GRK4: variants seen among roughly 807,000 people sequenced by gnomAD.
GRK4 encodes the protein G protein-coupled receptor kinase 2-like.
GRK4 carries 73 observed loss-of-function variants against 77.9 expected under a neutral mutation model. The ratio of observed to expected loss-of-function variants is 0.94; its 90% CI spans 0.78 to 1.14. The LOEUF is 1.14. Ranked by LOEUF, GRK4 falls within the 50% of genes most tolerant of loss-of-function variation. The pLI is 0.00. For synonymous variants in GRK4, 257 were observed against 254.4 expected, an observed-to-expected ratio of 1.01 and a Z score of -0.10; for missense variants, 729 against 700.2, an observed-to-expected ratio of 1.04 and a Z score of -0.46.
At chr4:2,965,119 G>A (rs1048929976) in intron 1 of GRK4, 1 of 607,818 alleles carries the variant, frequency 1.6e-6, no homozygotes. Flanking sequence ...GCTTCTGTAA[G>A]TTTGCTTATA....
intron 13 of GRK4, among the ~76,000 whole-genome samples, 188 bp from the exon 14 acceptor site, chr4:3,037,186 C>A (rs867852927): frequency 5.9e-5 from 9 of 151,996 alleles, no homozygotes; most frequent in African/African-American, 2.2e-4. Context: ...GCTGGCGAAC[C>A]ACCTCTTCAG....
At chr4:3,027,401 C>T (rs1419043) in intron 10 of GRK4, among the ~76,000 whole-genome samples, 14 of 152,182 alleles carry the variant, frequency 9.2e-5, no homozygotes, top group Non-Finnish European at 1.5e-4. Context: ...CTATATTCAA[C>T]GCATTAACAC....
chr4:3,027,508 A>T (rs1737902320), intron 10 of GRK4, among the ~76,000 whole-genome samples: 1 of 152,238 alleles, frequency 6.6e-6, no homozygotes, highest in South Asian at 2.1e-4. Flanking sequence ...ATTCATGTGT[A>T]GCTGTCCCTG....
intron 1 of GRK4, chr4:2,971,112 A>G (rs2109404671): frequency 6.6e-6 from 1 of 152,342 alleles, no homozygotes. Flanking sequence ...GTTACTTTTT[A>G]GCAGAAACAT....
chr4:3,013,639 A>G, intron 7 of GRK4, 49 bp from the exon 8 acceptor site: 1 of 1,571,590 alleles, frequency 6.4e-7, no homozygotes, highest in East Asian at 2.2e-5. Flanking sequence ...GTGTGGCCTA[A>G]GAAATGCCAG....
intron 2 of GRK4, among the ~76,000 whole-genome samples, chr4:2,987,924 A>G (rs1724873920): frequency 6.6e-6 from 1 of 151,820 alleles, no homozygotes; most frequent in Non-Finnish European, 1.5e-5. Flanking sequence ...AAAAATACAA[A>G]AATTACTTGG....
At chr4:2,976,698 C>T (rs1337936722) in intron 1 of GRK4, among the ~76,000 whole-genome samples, 2 of 142,824 alleles carry the variant, frequency 1.4e-5, no homozygotes, top group Admixed American at 1.5e-4. Context: ...TGGAGTGCAA[C>T]GGCATGATCC....
Position 3,019,699 on chromosome 4 carries a change from T to C in GRK4, c.800T>C (p.Met267Thr), listed in dbSNP as rs765948134. The change falls in exon 9 of 16, where the codon ATG (methionine) becomes ACG (threonine). Residue 267 changes from methionine to threonine, a missense_variant. Met to Thr is a moderately conservative substitution (Grantham distance 81). Coordinates refer to ENST00000398052, the MANE Select transcript of GRK4 (RefSeq NM_182982.3). Reference protein sequence around the residue: ...KDALCLVLTIMNGGDLKFHIY... With the variant: ...KDALCLVLTITNGGDLKFHIY... ...GCCTTGTGCTTGGTGCTCACCATTA[T>C]GAATGGAGGGGATTTGAAGTTTCAC... 6.2e-7 allele frequency: 1 copy of C among 1,614,206 alleles called. No homozygotes were observed.
chr4:2,983,168 G>A (rs1249277351), intron 1 of GRK4, among the ~76,000 whole-genome samples: 3 of 152,244 alleles, frequency 2.0e-5, no homozygotes, highest in East Asian at 1.9e-4. Flanking sequence ...ATCTCTAGCC[G>A]AGCCTCTTCT....
In GRK4 at chr4:3,007,794, T is replaced by G; in HGVS notation, c.502T>G (p.Phe168Val). The G allele has an allele frequency of 6.2e-7, 1 of 1,612,162 alleles. No individual in the cohort carries two copies. The highest frequency in any genetic ancestry group is 1.1e-5 in the South Asian group (1 of 90,642). Residue 168 changes from phenylalanine (F) to valine (V), a missense_variant, in exon 6 of 16, where the codon TTT becomes GTT. By Grantham distance (50) the Phe-to-Val change is conservative (BLOSUM62 -1). Transcript: ENST00000398052. Reference sequence around the variant, plus strand: ...TGAAGAATACCAAGAAAGCTCATATTTTTCTCAGTTTTTACAATGGAAATG... The same window carrying G: ...TGAAGAATACCAAGAAAGCTCATATGTTTCTCAGTTTTTACAATGGAAATG... ...PFEEYQESSY[F>V]SQFLQWKWLE... is the part of the protein sequence containing the mutation.
chr4:3,026,070 T>C (rs1158423778), intron 10 of GRK4, among the ~76,000 whole-genome samples: 3 of 152,238 alleles, frequency 2.0e-5, no homozygotes, highest in African/African-American at 4.8e-5. Flanking sequence ...GCTGTTTCCG[T>C]TGGTGCCGCG....
chr4:3,004,207 G>T, intron 4 of GRK4, 24 bp from the exon 5 acceptor site: 2 of 1,445,920 alleles, frequency 1.4e-6, no homozygotes, highest in Non-Finnish European at 9.7e-7. Context: ...TAATGGTTAT[G>T]TATTTGGTTT....
intron 13 of GRK4, among the ~76,000 whole-genome samples, chr4:3,037,154 C>A (rs1290959584): frequency 1.3e-5 from 2 of 151,674 alleles, no homozygotes; most frequent in Non-Finnish European, 2.9e-5. Flanking sequence ...CAGACAGTAC[C>A]ACAAAATTGG....
At chr4:3,037,570 GGTGTGTGTGTGTCCGTGTGT>G in intron 14 of GRK4, 59 bp downstream of exon 14, 1 of 1,521,034 alleles carries the variant, frequency 6.6e-7, no homozygotes, top group Non-Finnish European at 9.0e-7. Flanking sequence ...CAGGGAAAAG[GGTGTGTGTGTGTCCGTGTGT>G]GTGTGTGTGT....
Position 3,029,226 on chromosome 4 carries a change from G to C in GRK4, c.1086G>C (p.Lys362Asn), listed in dbSNP as rs763074309. 2 of 1,613,738 alleles carry C rather than the reference G, an allele frequency of 1.2e-6. No individual in the cohort carries two copies. The highest frequency in any genetic ancestry group is 1.7e-6 in the Non-Finnish European group (2 of 1,179,632). Residue 362 changes from lysine to asparagine, a missense_variant, in exon 12 of 16, where the codon AAG becomes AAC. Transcript: ENST00000398052. Reference sequence around the variant, plus strand: ...CACCTGAAGTTGTCAATAATGAAAAGTATACGTTTAGTCCCGATTGGTGGG... The same window carrying C: ...CACCTGAAGTTGTCAATAATGAAAACTATACGTTTAGTCCCGATTGGTGGG... ...YMAPEVVNNE[K>N]YTFSPDWWGL... is the part of the protein sequence containing the mutation.
chr4:3,001,231 GTA>G (rs1228875469), intron 4 of GRK4, among the ~76,000 whole-genome samples: 13 of 131,602 alleles, frequency 9.9e-5, no homozygotes, highest in African/African-American at 3.2e-4. Context: ...GTATATATGT[GTA>G]TGTGTATATA....
intron 4 of GRK4, among the ~76,000 whole-genome samples, chr4:2,997,377 C>A (rs564073520): frequency 6.6e-6 from 1 of 152,202 alleles, no homozygotes; most frequent in East Asian, 1.9e-4. Context: ...AAAATCCACA[C>A]CCCTTCGTGA....
At chr4:2,990,423 A>G (rs1347399889) in intron 3 of GRK4, among the ~76,000 whole-genome samples, 1 of 151,026 alleles carries the variant, frequency 6.6e-6, no homozygotes, top group African/African-American at 2.4e-5. Flanking sequence ...CACCCAACTA[A>G]TTTTTGTATT....
chr4:2,986,836 G>T, intron 2 of GRK4: 1 of 350,764 alleles, frequency 2.9e-6, no homozygotes, highest in South Asian at 2.1e-5. Context: ...AAAGAAAGAT[G>T]ATGAAGTATT....
Sources: gnomAD v4.1 joint callset for allele counts (sites outside exome capture counted in the v4.1 genomes callset) on GRCh38, gnomAD v4.1.1 for gene constraint, MANE v1.5 for transcripts, NCBI Gene and HGNC (gene_info 2026-07-23, HGNC 2026-07-21) for gene names.